Variants in KIAA2012 observed in about 807,000 individuals in gnomAD.
The protein encoded by KIAA2012 is uncharacterized protein KIAA2012.
In KIAA2012, 125 loss-of-function variants were observed where a neutral mutation model predicts 150.6. The observed-to-expected ratio is 0.83, with a 90% confidence interval of 0.72 to 0.96. The LOEUF is 0.96. Among genes scored for constraint, KIAA2012 ranks in the 40% least tolerant of loss-of-function variants. The pLI, the probability that KIAA2012 is intolerant of heterozygous loss-of-function variation, is 0.00. For missense variants in KIAA2012, 1,219 were observed against 1,354.9 expected (o/e 0.90, Z 1.57); for synonymous variants, 462 against 504.7 (o/e 0.92, Z 1.13).
In KIAA2012 at chr2:202,196,850, C is replaced by T; in HGVS notation, c.3238C>T (p.Gln1080Ter). 6.4e-7 allele frequency: 1 copy of T among 1,550,462 alleles called. No individual in the cohort carries two copies. The highest frequency in any genetic ancestry group is 8.7e-7 in the Non-Finnish European group (1 of 1,146,942). Reference protein sequence around the residue: ...EELEMQLEEEQKHLMEMAEEE... With the variant: ...EELEMQLEEE ...ATTGGAAATGCAGTTAGAAGAAGAACAAAAACACCTGATGGAAATGGCTGA... is the reference window on the plus strand; with the variant it reads ...ATTGGAAATGCAGTTAGAAGAAGAATAAAAACACCTGATGGAAATGGCTGA... Residue 1080 changes from glutamine to a stop codon, truncating the protein, a stop_gained, in exon 22 of 24, where the codon CAA becomes TAA. Coordinates refer to ENST00000498697, the MANE Select transcript of KIAA2012 (RefSeq NM_001277372.4). LOFTEE classifies it high-confidence loss of function.
At chr2:202,190,721 C>A (rs1692314552) in intron 19 of KIAA2012, among the ~76,000 whole-genome samples, 1 of 152,142 alleles carries the variant, frequency 6.6e-6, no homozygotes, top group African/African-American at 2.4e-5. Context: ...TTCTGTGAGG[C>A]CCCCACATTG....
chr2:202,104,253 C>T lies in KIAA2012; in HGVS notation c.1324+1139C>T, dbSNP rs1401599499. Among the ~76,000 whole-genome samples the T allele has an allele frequency of 6.6e-6, 1 of 151,882 alleles. No homozygotes were observed. The highest frequency in any genetic ancestry group is 2.4e-5 in the African/African-American group (1 of 41,336). ...GCGATTCACTCTATGTAGATTTTAC[C>T]TTGCCAAAAAAAATTACTCAGCTCC... On this transcript the variant is annotated intron_variant, in intron 8 of 23. Coordinates refer to ENST00000498697, the MANE Select transcript of KIAA2012 (RefSeq NM_001277372.4). This position sits in a 1 kb window ranked among gnomAD's most constrained non-coding sequence, Gnocchi z 4.3.
At chr2:202,092,280 G>A (rs747924798) in intron 3 of KIAA2012, among the ~76,000 whole-genome samples, 17 of 152,202 alleles carry the variant, frequency 1.1e-4, no homozygotes, top group Non-Finnish European at 2.1e-4. Context: ...TCTGGTGTAA[G>A]CCCATCAGTC....
At chr2:202,131,440 C>G (rs1215025136) in intron 12 of KIAA2012, among the ~76,000 whole-genome samples, 3 of 152,218 alleles carry the variant, frequency 2.0e-5, no homozygotes, top group Non-Finnish European at 4.4e-5. Context: ...TGGGCCCAGT[C>G]TGTGAGTATG....
chr2:202,200,297 G>C (rs1442033274), intron 22 of KIAA2012, among the ~76,000 whole-genome samples: 5 of 152,066 alleles, frequency 3.3e-5, no homozygotes, highest in African/African-American at 1.2e-4. Context: ...TTCAAACATA[G>C]CTCAGTTTTT....
intron 14 of KIAA2012, among the ~76,000 whole-genome samples, chr2:202,159,848 A>C (rs1691612276): frequency 6.6e-6 from 1 of 152,174 alleles, no homozygotes; most frequent in South Asian, 2.1e-4. Flanking sequence ...GTCTCAAAAA[A>C]ATAATAATAA....
chr2:202,108,664 ATGT>A (rs1413678795), intron 9 of KIAA2012, among the ~76,000 whole-genome samples: 1 of 152,226 alleles, frequency 6.6e-6, no homozygotes, highest in African/African-American at 2.4e-5. Flanking sequence ...CACAGAGGTG[ATGT>A]TGTGTCCCTC....
chr2:202,200,707 C>CTTTTTTTTTT (rs3068268), intron 22 of KIAA2012, among the ~76,000 whole-genome samples: 13 of 124,266 alleles, frequency 1.0e-4, no homozygotes, highest in African/African-American at 2.8e-4. Context: ...AATTTTGGAA[C>CTTTTTTTTTT]TTTTTTTTTT....
intron 2 of KIAA2012, among the ~76,000 whole-genome samples, chr2:202,075,408 G>T (rs1419758458): frequency 6.6e-6 from 1 of 152,148 alleles, no homozygotes; most frequent in Non-Finnish European, 1.5e-5. Flanking sequence ...ACCATAAAGG[G>T]CTACATTATC....
chr2:202,175,591 A>G (rs1399013200), intron 15 of KIAA2012, among the ~76,000 whole-genome samples: 1 of 152,240 alleles, frequency 6.6e-6, no homozygotes, highest in Non-Finnish European at 1.5e-5. Context: ...GTGAGGACAC[A>G]AAAGAAGGTG....
intron 12 of KIAA2012, among the ~76,000 whole-genome samples, chr2:202,127,019 A>G (rs974852446): frequency 2.0e-5 from 3 of 152,014 alleles, no homozygotes; most frequent in African/African-American, 4.8e-5. Context: ...TCCCCCTCCA[A>G]TTCCCCCTAC....
At chr2:202,126,986 A>G (rs1455920830) in intron 12 of KIAA2012, among the ~76,000 whole-genome samples, 1 of 152,112 alleles carries the variant, frequency 6.6e-6, no homozygotes, top group Non-Finnish European at 1.5e-5. Flanking sequence ...ATGCAAACAA[A>G]TGGCTTCTGT....
At chr2:202,164,503 A>G (rs1691718263) in intron 14 of KIAA2012, among the ~76,000 whole-genome samples, 1 of 152,202 alleles carries the variant, frequency 6.6e-6, no homozygotes, top group Admixed American at 6.5e-5. Flanking sequence ...TGACTCAAGG[A>G]AAGAAGGAAG....
chr2:202,084,756 T>G (rs1689525045), intron 2 of KIAA2012, among the ~76,000 whole-genome samples: 1 of 152,104 alleles, frequency 6.6e-6, no homozygotes, highest in African/African-American at 2.4e-5. Flanking sequence ...AGAGGGTGGG[T>G]GCCAGAAAAT....
chr2:202,187,227 G>T (rs1177612364), intron 17 of KIAA2012, 129 bp downstream of exon 17: 10 of 1,008,542 alleles, frequency 9.9e-6, no homozygotes, highest in Non-Finnish European at 1.4e-5. Context: ...GGGCACTGAG[G>T]TCCAGCCTGT....
chr2:202,197,994 T>G (rs1442884346), intron 22 of KIAA2012: 1 of 150,606 alleles, frequency 6.6e-6, no homozygotes, highest in Non-Finnish European at 1.5e-5. Context: ...GTCAACATGG[T>G]GAAACCTCAT....
intron 11 of KIAA2012, among the ~76,000 whole-genome samples, chr2:202,117,399 G>A (rs1358825398): frequency 6.6e-6 from 1 of 152,216 alleles, no homozygotes; most frequent in Non-Finnish European, 1.5e-5. Flanking sequence ...GACCCCACGG[G>A]TAAAAGAATC....
chr2:202,192,551 G>A (rs757359068), intron 19 of KIAA2012, among the ~76,000 whole-genome samples: 7 of 150,482 alleles, frequency 4.7e-5, no homozygotes, highest in Non-Finnish European at 8.9e-5. Flanking sequence ...TCTGCCTCCC[G>A]GGTTCAAGCA....
At chr2:202,169,608 A>C (rs1010477870) in intron 15 of KIAA2012, among the ~76,000 whole-genome samples, 1 of 152,186 alleles carries the variant, frequency 6.6e-6, no homozygotes. Context: ...TCGTTTCATC[A>C]TAGTGCAGTC....
Sources: allele counts gnomAD v4.1 joint callset (sites outside exome capture counted in the v4.1 genomes callset), GRCh38; gene constraint gnomAD v4.1.1; non-coding constraint Gnocchi (gnomAD v3.1); transcripts MANE v1.5; gene names NCBI Gene and HGNC (gene_info 2026-07-23, HGNC 2026-07-21).